The following MOSMO variants were observed in gnomAD, a reference collection of about 807,000 sequenced individuals.
The protein encoded by MOSMO is modulator of smoothened, also known as modulator of smoothened protein.
MOSMO carries 5 observed loss-of-function variants against 18.4 expected under a neutral mutation model. That is an observed-to-expected ratio of 0.27 (90% confidence interval 0.14 to 0.57). The LOEUF is 0.57. MOSMO is among the 20% of genes least tolerant of loss of function. The pLI is 0.92. For missense variants in MOSMO, 138 were observed against 211.8 expected, an observed-to-expected ratio of 0.65 and a Z score of 2.16; for synonymous variants, 82 against 82.3, an observed-to-expected ratio of 1.00 and a Z score of 0.02.
At chr16:22,070,955 C>T (rs1270561908) in intron 1 of MOSMO, among the ~76,000 whole-genome samples, 1 of 152,176 alleles carries the variant, frequency 6.6e-6, no homozygotes, top group African/African-American at 2.4e-5. Context: ...ATTTCTTCAG[C>T]CAGCCCATTG....
At chr16:22,066,700 C>T (rs897687594) in intron 1 of MOSMO, among the ~76,000 whole-genome samples, 2 of 152,140 alleles carry the variant, frequency 1.3e-5, no homozygotes, top group Non-Finnish European at 2.9e-5. Context: ...AGGCCACACG[C>T]AACAAAGGAT....
chr16:22,029,499 A>G (rs1021966817), intron 1 of MOSMO, among the ~76,000 whole-genome samples: 1 of 151,314 alleles, frequency 6.6e-6, no homozygotes, highest in Non-Finnish European at 1.5e-5. Context: ...TGTCACCAAA[A>G]TGTGGCTTTG....
At chr16:22,024,115 T>G (rs1444346647) in intron 1 of MOSMO, among the ~76,000 whole-genome samples, 1 of 151,432 alleles carries the variant, frequency 6.6e-6, no homozygotes, top group East Asian at 1.9e-4. Flanking sequence ...TTGCCAACCT[T>G]TGTTTTAAAA....
At chr16:22,068,112 AG>A (rs1328121033) in intron 1 of MOSMO, among the ~76,000 whole-genome samples, 3 of 152,210 alleles carry the variant, frequency 2.0e-5, no homozygotes, top group African/African-American at 7.2e-5. Flanking sequence ...GCACTGGTAA[AG>A]GTAACTATGT....
intron 1 of MOSMO, among the ~76,000 whole-genome samples, chr16:22,020,752 G>A (rs766892907): frequency 6.6e-6 from 1 of 152,170 alleles, no homozygotes; most frequent in Non-Finnish European, 1.5e-5. Flanking sequence ...CAATACAGTT[G>A]CTTTACTATT....
At chr16:22,008,437 G>A (rs1899438466) in intron 1 of MOSMO, 30 bp downstream of exon 1, 1 of 1,256,318 alleles carries the variant, frequency 8.0e-7, no homozygotes, top group Non-Finnish European at 1.0e-6. Flanking sequence ...GGCCGGGCGG[G>A]GGATTGGCTG....
At chr16:22,059,871 G>A (rs1480975894) in intron 1 of MOSMO, among the ~76,000 whole-genome samples, 4 of 152,132 alleles carry the variant, frequency 2.6e-5, no homozygotes, top group Admixed American at 2.6e-4. Flanking sequence ...AGCCACAGAA[G>A]GCAGGATAAG....
intron 1 of MOSMO, among the ~76,000 whole-genome samples, chr16:22,020,808 TTC>T (rs1899745371): frequency 6.6e-6 from 1 of 152,254 alleles, no homozygotes; most frequent in African/African-American, 2.4e-5. Context: ...CAGCTTATTT[TTC>T]TTATTCTTGA....
chr16:22,058,041 G>A (rs1486175257), intron 1 of MOSMO, among the ~76,000 whole-genome samples: 2 of 152,154 alleles, frequency 1.3e-5, no homozygotes, highest in African/African-American at 4.8e-5. Flanking sequence ...GACCTGGTAG[G>A]CCATTGTAGA....
chr16:22,015,613 C>T (rs1035671408), intron 1 of MOSMO, among the ~76,000 whole-genome samples: 3 of 151,996 alleles, frequency 2.0e-5, no homozygotes, highest in East Asian at 1.9e-4. Context: ...ATTCAAAAAC[C>T]GGTCTTTTTA....
Position 22,008,224 on chromosome 16 carries a change from G to C in MOSMO, c.-78G>C. On this transcript the variant is annotated 5_prime_UTR_variant, in exon 1 of 3. Transcript: ENST00000542527. ...CAGCGGCGCGGGGACTCCGGGCCCCGGCGGCGGCCCATGGGGCGGGAGGCG... is the reference window on the plus strand; with the variant it reads ...CAGCGGCGCGGGGACTCCGGGCCCCCGCGGCGGCCCATGGGGCGGGAGGCG... The C allele has an allele frequency of 1.0e-5, 8 of 788,404 alleles. No individual in the cohort carries two copies. Among genetic ancestry groups the C allele is most frequent in the African/African-American group, 1.8e-5 (1 of 55,540 alleles). The allele number at this position is 788,404 out of a possible 1,614,324, so 48.8% of individuals were successfully genotyped here.
At chr16:22,019,213 A>G (rs1899702889) in intron 1 of MOSMO, among the ~76,000 whole-genome samples, 1 of 152,286 alleles carries the variant, frequency 6.6e-6, no homozygotes, top group South Asian at 2.1e-4. Flanking sequence ...TCTGGCTCCA[A>G]CTTATAATAC....
At chr16:22,023,537 T>C (rs964601750) in intron 1 of MOSMO, among the ~76,000 whole-genome samples, 1 of 151,990 alleles carries the variant, frequency 6.6e-6, no homozygotes, top group African/African-American at 2.4e-5. Flanking sequence ...TGCTGGGCAC[T>C]GCTTTTTTTC....
Position 22,080,778 on chromosome 16 carries a change from C to T in MOSMO, c.402C>T (p.Pro134=). 6.7e-7 allele frequency: 1 copy of T among 1,499,546 alleles called. No homozygotes were observed. The highest frequency in any genetic ancestry group is 8.8e-7 in the Non-Finnish European group (1 of 1,131,360). The allele number at this position is 1,499,546 out of a possible 1,614,324, so 92.9% of individuals were successfully genotyped here. A position where few individuals can be genotyped will look rare whatever the true frequency, so the allele number is the denominator to read the frequency against. Reference sequence around the variant, plus strand: ...TCGGAGGTCAACCTTATAAATTACCCAACAACACAGTAGTTGGGTCATCAT... The same window carrying T: ...TCGGAGGTCAACCTTATAAATTACCTAACAACACAGTAGTTGGGTCATCAT... The part of the protein sequence containing the change: ...NEVGGQPYKL[P]NNTVVGSSYV... The change falls in exon 3 of 3, where the codon CCC becomes CCT. Residue 134 remains proline (P), a synonymous_variant. Coordinates refer to ENST00000542527, the MANE Select transcript of MOSMO (RefSeq NM_001164579.2).
intron 2 of MOSMO, among the ~76,000 whole-genome samples, chr16:22,078,627 T>C (rs1371091504): frequency 6.6e-6 from 1 of 152,236 alleles, no homozygotes; most frequent in Non-Finnish European, 1.5e-5. Flanking sequence ...ATTCCTAAAG[T>C]ACTTTTCTAA....
chr16:22,037,044 A>G (rs1900122710), intron 1 of MOSMO, among the ~76,000 whole-genome samples: 1 of 152,178 alleles, frequency 6.6e-6, no homozygotes, highest in African/African-American at 2.4e-5. Context: ...AAGGAGAAAC[A>G]AGAGAACCCA....
chr16:22,061,598 T>C (rs1398468335), intron 1 of MOSMO, among the ~76,000 whole-genome samples: 1 of 152,198 alleles, frequency 6.6e-6, no homozygotes, highest in Non-Finnish European at 1.5e-5. Flanking sequence ...CATCCTACAG[T>C]GTATTGCACA....
intron 1 of MOSMO, among the ~76,000 whole-genome samples, chr16:22,010,740 G>A (rs1899507768): frequency 6.6e-6 from 1 of 152,042 alleles, no homozygotes; most frequent in Non-Finnish European, 1.5e-5. Context: ...CCAACATGAT[G>A]AAACCCTGTC....
chr16:22,048,901 TTA>T (rs776686027), intron 1 of MOSMO, among the ~76,000 whole-genome samples: 5 of 152,148 alleles, frequency 3.3e-5, no homozygotes, highest in Admixed American at 6.6e-5. Context: ...GTATCTAGCT[TTA>T]TGTTTTCCTC....
Sources: allele counts gnomAD v4.1 joint callset (sites outside exome capture counted in the v4.1 genomes callset), GRCh38; gene constraint gnomAD v4.1.1; transcripts MANE v1.5; gene names NCBI Gene and HGNC (gene_info 2026-07-23, HGNC 2026-07-21).